FLNB: variants seen among roughly 807,000 people sequenced by gnomAD.
The protein encoded by FLNB is filamin-B.
FLNB carries 111 observed loss-of-function variants against 250.6 expected under a neutral mutation model. The observed-to-expected ratio is 0.44, with a 90% CI of 0.38 to 0.52. FLNB has a LOEUF of 0.52. Ranked by LOEUF, FLNB falls within the 20% of genes least tolerant of loss-of-function variation. The pLI is 0.00. For missense variants in FLNB, 2,869 were observed against 3,447.8 expected (o/e 0.83, Z 4.20); for synonymous variants, 1,302 against 1,372.1 (o/e 0.95, Z 1.13).
At chr3:58,036,528 G>C (rs371255134) in intron 1 of FLNB, among the ~76,000 whole-genome samples, 19 of 152,288 alleles carry the variant, frequency 1.2e-4, no homozygotes, top group African/African-American at 4.3e-4. Context: ...GCTCTGGGAG[G>C]TGTCAGCTGA....
Position 58,169,774 on chromosome 3 carries a change from G to C in FLNB, c.7602G>C (p.Leu2534=). 6.2e-7 allele frequency: 1 copy of C among 1,605,984 alleles called. No homozygotes were observed. Among genetic ancestry groups the C allele is most frequent in the African/African-American group, 1.3e-5 (1 of 74,750 alleles). ...KAFVGQKSSF[L]VDCSKAGSNM... is the part of the protein sequence containing the mutation. ...TTGTGGGCCAGAAGAGTTCCTTCCT[G>C]GTGGACTGCAGCAAAGCTGGTAGGT... Residue 2534 remains leucine (L), a synonymous_variant, in exon 45 of 46, where the codon CTG becomes CTC. Coordinates refer to ENST00000295956, the MANE Select transcript of FLNB (RefSeq NM_001457.4). This position sits in a 1 kb window ranked among gnomAD's most constrained non-coding sequence, Gnocchi z 4.8.
chr3:58,105,899 A>G (rs551914979), intron 11 of FLNB, among the ~76,000 whole-genome samples: 1 of 152,344 alleles, frequency 6.6e-6, no homozygotes, highest in South Asian at 2.1e-4. Flanking sequence ...ATCACATTTA[A>G]TTTTCCCTTC....
chr3:58,113,581 G>T (rs1438694374), intron 18 of FLNB, among the ~76,000 whole-genome samples: 1 of 152,234 alleles, frequency 6.6e-6, no homozygotes, highest in Non-Finnish European at 1.5e-5. Flanking sequence ...CAGTGGGAGG[G>T]ATTCCCTGGG....
Position 58,123,204 on chromosome 3 carries a change from C to G in FLNB, c.3238C>G (p.Pro1080Ala). The G allele has an allele frequency of 2.5e-6, 4 of 1,613,938 alleles. No individual in the cohort carries two copies. The highest frequency in any genetic ancestry group is 3.4e-6 in the Non-Finnish European group (4 of 1,179,858). Residue 1080 changes from proline (P) to alanine (A), a missense_variant, in exon 21 of 46, where the codon CCG (proline) becomes GCG (alanine). Transcript: ENST00000295956. ...TGGLGLTVEG[P>A]CEAKIECSDN... ...AGGTCTGGGCTTAACGGTGGAAGGT[C>G]CGTGCGAGGCCAAAATCGAGTGCTC...
chr3:58,106,471 A>G (rs1330982353), intron 11 of FLNB, among the ~76,000 whole-genome samples: 4 of 135,756 alleles, frequency 2.9e-5, no homozygotes, highest in Non-Finnish European at 6.3e-5. Flanking sequence ...CCTACATTTG[A>G]AAAAAAAAAA....
intron 1 of FLNB, among the ~76,000 whole-genome samples, chr3:58,030,756 C>T (rs542300877): frequency 6.6e-6 from 1 of 152,216 alleles, no homozygotes; most frequent in South Asian, 2.1e-4. Context: ...CGCCTGTTGT[C>T]CCAGCTACTC....
Position 58,148,360 on chromosome 3 carries a change from C to T in FLNB, c.5883C>T (p.His1961=), listed in dbSNP as rs2097339205. The T allele has an allele frequency of 3.1e-6, 5 of 1,613,354 alleles. No homozygotes were observed. The South Asian group carries it at 5.5e-5, about 18-fold the overall frequency. The change falls in exon 35 of 46, where the codon CAC becomes CAT. Residue 1961 remains histidine, a synonymous_variant. Coordinates refer to ENST00000295956, the MANE Select transcript of FLNB (RefSeq NM_001457.4). ...TCCTGAAGAGGCTGCCCAACAACCA[C>T]ATTGGTGAGCTAGGCTACCCTTCCT... ...PCLLKRLPNN[H]IGISFIPREV...
intron 1 of FLNB, among the ~76,000 whole-genome samples, chr3:58,051,341 A>G (rs946038456): frequency 6.6e-6 from 1 of 152,218 alleles, no homozygotes; most frequent in East Asian, 1.9e-4. Context: ...CTTTGTTAGA[A>G]TGTGGTTTTG....
chr3:58,087,937 A>C lies in FLNB; in HGVS notation c.787+6161A>C, dbSNP rs1250681185. ...GTATTTTTAGTAGAGACAAGGTTACACCATGTTGGTCAGGCTGGTCTTGAA... is the reference window on the plus strand; with the variant it reads ...GTATTTTTAGTAGAGACAAGGTTACCCCATGTTGGTCAGGCTGGTCTTGAA... On this transcript the variant is annotated intron_variant, in intron 4 of 45. Transcript: ENST00000295956. Among the ~76,000 whole-genome samples, 5 of 149,922 alleles carry C rather than the reference A, an allele frequency of 3.3e-5. No homozygotes were observed. The East Asian group carries it at 9.8e-4, about 29-fold the overall frequency.
In FLNB at chr3:58,142,056, T is replaced by G; in HGVS notation, c.5181+127T>G. ...TCCTGGTCATTGGTGTGCCCCTCAC[T>G]GATCAGCCCATCACGATGATCCCTG... is the stretch of plus-strand genomic sequence containing the variant. On this transcript the variant is annotated intron_variant, in intron 30 of 45. Coordinates refer to ENST00000295956, the MANE Select transcript of FLNB (RefSeq NM_001457.4). This position sits in a 1 kb window ranked among gnomAD's most constrained non-coding sequence, Gnocchi z 4.3. The G allele has an allele frequency of 2.5e-6, 2 of 786,188 alleles. No individual in the cohort carries two copies. The highest frequency in any genetic ancestry group is 2.2e-4 in the Middle Eastern group (1 of 4,482). 48.7% of individuals were successfully genotyped at this position (786,188 alleles called of 1,614,324 possible). A position where few individuals can be genotyped will look rare whatever the true frequency, so the allele number is the denominator to read the frequency against.
chr3:58,016,507 TAA>T (rs955531750), intron 1 of FLNB, among the ~76,000 whole-genome samples: 14 of 150,188 alleles, frequency 9.3e-5, no homozygotes, highest in African/African-American at 2.2e-4. Context: ...TATATATTTA[TAA>T]GTTATAAACA....
At position 58,148,641 on chromosome 3, in the gene FLNB, T is replaced by C. The variant is rs1341258917; in HGVS notation, c.5888-8T>C. The stretch of plus-strand genomic sequence containing the variant: ...CCCTTACAAGCCCCAATCTGTGTTC[T>C]GGTCCAGGCATCTCCTTCATCCCCC... On this transcript the variant is annotated splice_region_variant and splice_polypyrimidine_tract_variant and intron_variant, in intron 35 of 45. Transcript: ENST00000295956. 1.9e-6 allele frequency: 3 copies of C among 1,613,004 alleles called. No individual in the cohort carries two copies. The highest frequency in any genetic ancestry group is 2.5e-6 in the Non-Finnish European group (3 of 1,179,042).
intron 18 of FLNB, among the ~76,000 whole-genome samples, chr3:58,116,509 C>A (rs1166317667): frequency 6.6e-6 from 1 of 152,180 alleles, no homozygotes; most frequent in African/African-American, 2.4e-5. Flanking sequence ...CCTGCCACTC[C>A]ACCTCGCAAA....
chr3:58,144,953 T>A (rs1179613170), intron 32 of FLNB, among the ~76,000 whole-genome samples: 1 of 152,220 alleles, frequency 6.6e-6, no homozygotes, highest in East Asian at 1.9e-4. Flanking sequence ...TTATTGGCCT[T>A]TGTCATATAG....
intron 10 of FLNB, among the ~76,000 whole-genome samples, chr3:58,104,348 A>G (rs546759642): frequency 6.6e-6 from 1 of 152,262 alleles, no homozygotes; most frequent in African/African-American, 2.4e-5. Context: ...GAGCAGTTAG[A>G]GCAAATGGGC....
At chr3:58,102,979 C>T (rs2097253505) in intron 9 of FLNB, among the ~76,000 whole-genome samples, 1 of 152,126 alleles carries the variant, frequency 6.6e-6, no homozygotes, top group Non-Finnish European at 1.5e-5. Flanking sequence ...AACAGAGAAG[C>T]ATTTCAGCAC....
At chr3:58,132,519 AC>A (rs2097309186) in intron 25 of FLNB, 1 of 505,580 alleles carries the variant, frequency 2.0e-6, no homozygotes, top group Non-Finnish European at 3.6e-6. Context: ...ATCCACATAC[AC>A]CCTCCAGCAG....
intron 4 of FLNB, among the ~76,000 whole-genome samples, chr3:58,083,123 A>G (rs1461961844): frequency 6.6e-6 from 1 of 152,144 alleles, no homozygotes; most frequent in Admixed American, 6.6e-5. Context: ...TATTGTCCTA[A>G]GATTATCTTT....
At chr3:58,023,257 C>T (rs1308453319) in intron 1 of FLNB, among the ~76,000 whole-genome samples, 1 of 151,888 alleles carries the variant, frequency 6.6e-6, no homozygotes, top group Non-Finnish European at 1.5e-5. Flanking sequence ...TGCCACCATG[C>T]CCAGCTAATT....
Sources: allele counts gnomAD v4.1 joint callset (sites outside exome capture counted in the v4.1 genomes callset), GRCh38; gene constraint gnomAD v4.1.1; non-coding constraint Gnocchi (gnomAD v3.1); transcripts MANE v1.5; gene names NCBI Gene and HGNC (gene_info 2026-07-23, HGNC 2026-07-21).